Variants in STK32A observed in about 807,000 individuals in gnomAD.
STK32A encodes serine/threonine-protein kinase 32A.
STK32A carries 41 observed loss-of-function variants against 53.2 expected under a neutral mutation model. The observed-to-expected ratio is 0.77, with a 90% CI of 0.60 to 1.00. STK32A has a LOEUF of 1.00. STK32A is among the 50% of genes least tolerant of loss of function. STK32A has a pLI of 0.00. For synonymous variants in STK32A, 166 were observed against 162.8 expected, an observed-to-expected ratio of 1.02 and a Z score of -0.15; for missense variants, 458 against 485.8, an observed-to-expected ratio of 0.94 and a Z score of 0.54.
chr5:147,303,515 G>A (rs988308533), intron 4 of STK32A, among the ~76,000 whole-genome samples: 25 of 152,284 alleles, frequency 1.6e-4, no homozygotes, highest in African/African-American at 5.5e-4. Flanking sequence ...AGTAAATCAC[G>A]AAGTCAGGCT....
intron 4 of STK32A, among the ~76,000 whole-genome samples, chr5:147,303,604 A>G (rs1188310899): frequency 6.6e-6 from 1 of 152,232 alleles, no homozygotes; most frequent in Non-Finnish European, 1.5e-5. Context: ...AGCCAGGCAG[A>G]GATATTACTG....
chr5:147,235,329 T>C (rs376246407), intron 1 of STK32A, 130 bp downstream of exon 1: 1 of 152,358 alleles, frequency 6.6e-6, no homozygotes, highest in African/African-American at 2.4e-5. Context: ...CAAAACTAAA[T>C]GCAGGCTAGG....
chr5:147,375,021 T>C lies in STK32A; in HGVS notation c.904-69T>C, dbSNP rs577116099. On this transcript the variant is annotated intron_variant, in intron 10 of 12. Coordinates refer to ENST00000397936, the MANE Select transcript of STK32A (RefSeq NM_001112724.2). The stretch of plus-strand genomic sequence containing the variant: ...CGTTAAGACTAAGTATTATTTTCCG[T>C]ATTAGGTCTGCTGTGTTTTTCAGAA... 1.1e-4 allele frequency: 160 copies of C among 1,431,478 alleles called. 2 individuals carry two copies. The South Asian group carries it at 2.3e-3, about 20-fold the overall frequency. The allele number at this position is 1,431,478 out of a possible 1,614,324, so 88.7% of individuals were successfully genotyped here.
rs560970576 is a variant in STK32A, at chr5:147,283,274, C to G, written c.260+3876C>G. Among the ~76,000 whole-genome samples, 4 of 151,778 alleles carry G rather than the reference C, an allele frequency of 2.6e-5. No homozygotes were observed. In the East Asian group the frequency reaches 7.7e-4, roughly 29 times the overall value. On this transcript the variant is annotated intron_variant, in intron 4 of 12. Transcript: ENST00000397936. ...CAATAATGACACAACCTATCAAAAC[C>G]TCTAGGATACAGCAAAGGCGGTGCT...
chr5:147,300,655 C>CA (rs1753086877), intron 4 of STK32A, among the ~76,000 whole-genome samples: 1 of 152,338 alleles, frequency 6.6e-6, no homozygotes, highest in Non-Finnish European at 1.5e-5. Flanking sequence ...TGCACACTCA[C>CA]AAACATACCC....
intron 4 of STK32A, among the ~76,000 whole-genome samples, chr5:147,288,889 G>A (rs373268253): frequency 6.6e-6 from 1 of 152,180 alleles, no homozygotes; most frequent in Admixed American, 6.5e-5. Context: ...TAGGGTTAAT[G>A]TGTGTAACTT....
chr5:147,365,304 T>G (rs1335706004), intron 8 of STK32A, among the ~76,000 whole-genome samples: 1 of 152,180 alleles, frequency 6.6e-6, no homozygotes, highest in Non-Finnish European at 1.5e-5. Flanking sequence ...CAGGGTCCAT[T>G]TTACACCCAA....
intron 6 of STK32A, among the ~76,000 whole-genome samples, chr5:147,350,350 T>C (rs1250281560): frequency 6.6e-6 from 1 of 151,606 alleles, no homozygotes; most frequent in Non-Finnish European, 1.5e-5. Flanking sequence ...AGTAATAATA[T>C]TTGCCTCTTA....
intron 2 of STK32A, among the ~76,000 whole-genome samples, chr5:147,267,614 C>T (rs1754863071): frequency 6.6e-6 from 1 of 152,016 alleles, no homozygotes; most frequent in Non-Finnish European, 1.5e-5. Context: ...TAACTATGAC[C>T]TAAGATGTGG....
At chr5:147,239,893 T>C in intron 2 of STK32A, 1 of 557,940 alleles carries the variant, frequency 1.8e-6, no homozygotes, top group South Asian at 2.2e-5. Context: ...GCTTTCCTAA[T>C]CTCCACTATA....
the STK32A span, among the ~76,000 whole-genome samples, chr5:147,396,740 T>C: frequency 6.6e-6 from 1 of 152,048 alleles, no homozygotes. Flanking sequence ...AGGGTCAATA[T>C]TGGGGAAGTC....
At chr5:147,325,991 G>T (rs1754568057) in intron 5 of STK32A, among the ~76,000 whole-genome samples, 1 of 152,078 alleles carries the variant, frequency 6.6e-6, no homozygotes, top group African/African-American at 2.4e-5. Context: ...TTGAAATTGG[G>T]TTCTGTCCCT....
intron 2 of STK32A, among the ~76,000 whole-genome samples, chr5:147,272,742 A>G (rs1024253988): frequency 6.6e-6 from 1 of 152,212 alleles, no homozygotes; most frequent in Non-Finnish European, 1.5e-5. Flanking sequence ...TTTAGTTTTC[A>G]GTGGACCAGA....
At chr5:147,273,638 G>A (rs374120991) in intron 2 of STK32A, among the ~76,000 whole-genome samples, 36 of 152,164 alleles carry the variant, frequency 2.4e-4, no homozygotes, top group East Asian at 1.4e-3. Flanking sequence ...ATTTTTTCCC[G>A]AATAATAGTT....
chr5:147,313,276 A>G (rs994074064), intron 4 of STK32A, among the ~76,000 whole-genome samples: 2 of 152,102 alleles, frequency 1.3e-5, no homozygotes, highest in African/African-American at 4.8e-5. Context: ...ACAAAGATAG[A>G]TGCATAGAGT....
chr5:147,291,432 G>A (rs566264018), intron 4 of STK32A, among the ~76,000 whole-genome samples: 2 of 152,136 alleles, frequency 1.3e-5, no homozygotes, highest in South Asian at 4.1e-4. Context: ...AATTTATGTA[G>A]CTACTGTTGC....
chr5:147,240,423 G>A (rs537060280), intron 2 of STK32A, among the ~76,000 whole-genome samples: 1 of 152,158 alleles, frequency 6.6e-6, no homozygotes, highest in Non-Finnish European at 1.5e-5. Context: ...GAGCTCTTCC[G>A]AGTAATTCCC....
At chr5:147,365,907 A>G (rs1334185448) in intron 8 of STK32A, among the ~76,000 whole-genome samples, 1 of 152,100 alleles carries the variant, frequency 6.6e-6, no homozygotes. Context: ...TCTTCTTCCC[A>G]TATTATTTTA....
At chr5:147,239,782 T>C in intron 2 of STK32A, 96 bp downstream of exon 2, 2 of 962,808 alleles carry the variant, frequency 2.1e-6, no homozygotes, top group South Asian at 1.6e-5. Context: ...GCATGGTCTG[T>C]AGGGCCTTGA....
Sources: gnomAD v4.1 joint callset for allele counts (sites outside exome capture counted in the v4.1 genomes callset) on GRCh38, gnomAD v4.1.1 for gene constraint, MANE v1.5 for transcripts, NCBI Gene and HGNC (gene_info 2026-07-23, HGNC 2026-07-21) for gene names.